Variants in CCDC3 observed in about 807,000 individuals in gnomAD.
The protein encoded by CCDC3 is coiled-coil domain containing 3.
CCDC3 carries 24 observed loss-of-function variants against 21.4 expected under a neutral mutation model. The observed-to-expected ratio is 1.12, with a 90% CI of 0.81 to 1.58. The LOEUF (loss-of-function observed/expected upper bound fraction) is 1.58. Among genes scored for constraint, CCDC3 ranks in the 40% most tolerant of loss-of-function variants. The pLI is 0.00. For synonymous variants in CCDC3, 186 were observed against 166.0 expected (o/e 1.12, Z -0.93); for missense variants, 425 against 360.9 (o/e 1.18, Z -1.44).
At chr10:12,938,327 T>C (rs1834771232) in intron 2 of CCDC3, among the ~76,000 whole-genome samples, 1 of 144,322 alleles carries the variant, frequency 6.9e-6, no homozygotes, top group Non-Finnish European at 1.5e-5. Flanking sequence ...CCCCCAGTCC[T>C]CTTGTCATTG....
chr10:12,999,612 G>T (rs1835815490), intron 1 of CCDC3, among the ~76,000 whole-genome samples: 1 of 152,212 alleles, frequency 6.6e-6, no homozygotes, highest in South Asian at 2.1e-4. Context: ...CCTGTGAAAT[G>T]AAAATGTCAG....
chr10:13,016,451 G>T lies in CCDC3; in HGVS notation c.-1-17939C>A, dbSNP rs559238254. Among the ~76,000 whole-genome samples, 146 of 151,912 alleles carry T rather than the reference G, an allele frequency of 9.6e-4. 1 individual carries two copies. Among genetic ancestry groups the T allele is most frequent in the African/African-American group, 3.3e-3 (137 of 41,472 alleles). ...CAAAAATAAAAGACATTCTTCCTAT[G>T]ATATCATATTTCCTACTTGTTCAGG... On this transcript the variant is annotated intron_variant, in intron 5 of 6. Transcript: ENST00000378839.
intron 2 of CCDC3, among the ~76,000 whole-genome samples, chr10:12,907,559 C>T (rs1291104253): frequency 3.3e-5 from 5 of 152,124 alleles, no homozygotes; most frequent in Non-Finnish European, 1.5e-5. Flanking sequence ...GCAGGAGAAT[C>T]GCTTGACCCG....
At chr10:12,939,831 GACA>G (rs1834793311) in intron 2 of CCDC3, among the ~76,000 whole-genome samples, 1 of 152,138 alleles carries the variant, frequency 6.6e-6, no homozygotes, top group African/African-American at 2.4e-5. Context: ...CAACAACAAC[GACA>G]ACAAAACCCT....
At chr10:12,975,899 A>C (rs1835410555) in intron 2 of CCDC3, among the ~76,000 whole-genome samples, 1 of 152,190 alleles carries the variant, frequency 6.6e-6, no homozygotes, top group Non-Finnish European at 1.5e-5. Context: ...CTGCAAATTC[A>C]GGACACAGCC....
intron 2 of CCDC3, among the ~76,000 whole-genome samples, chr10:12,916,194 GA>G (rs1834350587): frequency 6.6e-6 from 1 of 152,180 alleles, no homozygotes; most frequent in East Asian, 1.9e-4. Flanking sequence ...AGCACTTTGG[GA>G]GGCCAAGGTG....
At chr10:13,039,967 T>C (rs1836428721) in intron 5 of CCDC3, among the ~76,000 whole-genome samples, 1 of 151,934 alleles carries the variant, frequency 6.6e-6, no homozygotes, top group South Asian at 2.1e-4. Flanking sequence ...AGGTGACCGC[T>C]GACATTGGTA....
chr10:13,062,888 G>A (rs12268703), intron 4 of CCDC3, among the ~76,000 whole-genome samples: 49,617 of 151,806 alleles, frequency 0.33, 8,434 homozygotes, highest in African/African-American at 0.39. Flanking sequence ...ACACTACCCA[G>A]ATCAATAAAC....
intron 2 of CCDC3, among the ~76,000 whole-genome samples, chr10:12,916,271 C>A (rs975145419): frequency 6.6e-6 from 1 of 151,960 alleles, no homozygotes; most frequent in Non-Finnish European, 1.5e-5. Flanking sequence ...GTCTCTACTA[C>A]AAATACAAAA....
At chr10:13,009,065 T>A (rs1103882) in intron 5 of CCDC3, among the ~76,000 whole-genome samples, 1 of 151,778 alleles carries the variant, frequency 6.6e-6, no homozygotes, top group African/African-American at 2.4e-5. Context: ...GAATTCATAA[T>A]CAAGTTTAAT....
At chr10:12,947,278 G>T (rs1239476190) in intron 2 of CCDC3, among the ~76,000 whole-genome samples, 3 of 152,040 alleles carry the variant, frequency 2.0e-5, no homozygotes, top group African/African-American at 7.2e-5. Flanking sequence ...CTCCCAAGTA[G>T]CTGAGATTAC....
At chr10:13,079,000 T>G (rs1299689188) in intron 3 of CCDC3, among the ~76,000 whole-genome samples, 1 of 152,066 alleles carries the variant, frequency 6.6e-6, no homozygotes, top group Admixed American at 6.5e-5. Flanking sequence ...CCCTAGAACT[T>G]AAAATATAAT....
chr10:12,903,782 T>C (rs1013677203), intron 2 of CCDC3, among the ~76,000 whole-genome samples: 1 of 152,258 alleles, frequency 6.6e-6, no homozygotes. Flanking sequence ...AAAGTTAGGC[T>C]GGGATATCCA....
intron 2 of CCDC3, among the ~76,000 whole-genome samples, chr10:12,942,488 G>A (rs546938879): frequency 8.5e-5 from 13 of 152,318 alleles, no homozygotes; most frequent in South Asian, 4.1e-4. Context: ...AAGCTTGCAC[G>A]GGTGAATGCT....
intron 2 of CCDC3, among the ~76,000 whole-genome samples, chr10:12,913,859 C>G (rs910179621): frequency 6.6e-6 from 1 of 152,146 alleles, no homozygotes; most frequent in Admixed American, 6.5e-5. Flanking sequence ...TTTTGTCCTT[C>G]ATTCCATTAA....
intron 3 of CCDC3, among the ~76,000 whole-genome samples, chr10:13,091,682 T>C (rs1269353725): frequency 6.6e-6 from 1 of 152,078 alleles, no homozygotes; most frequent in Non-Finnish European, 1.5e-5. Context: ...ATCCTAAAGT[T>C]CTCTCCCCTC....
intron 2 of CCDC3, among the ~76,000 whole-genome samples, chr10:12,916,158 G>A (rs1035648681): frequency 2.6e-5 from 4 of 152,230 alleles, no homozygotes; most frequent in African/African-American, 4.8e-5. Flanking sequence ...CCTGGGCCAG[G>A]CGCAGTGGTT....
chr10:13,089,965 C>T (rs1334082728), intron 3 of CCDC3, among the ~76,000 whole-genome samples: 1 of 151,124 alleles, frequency 6.6e-6, no homozygotes, highest in African/African-American at 2.4e-5. Context: ...ATAATAGCCT[C>T]CAATCTCATC....
intron 4 of CCDC3, among the ~76,000 whole-genome samples, chr10:13,071,255 G>A (rs902659849): frequency 6.6e-6 from 1 of 152,034 alleles, no homozygotes; most frequent in Non-Finnish European, 1.5e-5. Context: ...CAATTCCACC[G>A]CTTCATCTCA....
Sources: allele counts gnomAD v4.1 joint callset (sites outside exome capture counted in the v4.1 genomes callset), GRCh38; gene constraint gnomAD v4.1.1; transcripts MANE v1.5; gene names NCBI Gene and HGNC (gene_info 2026-07-23, HGNC 2026-07-21).